The following SMYD3 variants were observed in gnomAD, a reference collection of about 807,000 sequenced individuals.
The protein encoded by SMYD3 is histone-lysine N-methyltransferase SMYD3.
A neutral mutation model predicts 57.7 loss-of-function variants in SMYD3; 36 were observed. The ratio of observed to expected loss-of-function variants is 0.62; its 90% CI spans 0.48 to 0.82. The LOEUF is 0.82. Ranked by LOEUF, SMYD3 falls within the 40% of genes least tolerant of loss-of-function variation. The probability of loss-of-function intolerance (pLI) is 0.00; values close to 1 mark genes in which losing one functional copy is unlikely to be tolerated. For missense variants in SMYD3, 515 were observed against 538.8 expected, an observed-to-expected ratio of 0.96 and a Z score of 0.44; for synonymous variants, 211 against 195.0, an observed-to-expected ratio of 1.08 and a Z score of -0.68.
intron 5 of SMYD3, among the ~76,000 whole-genome samples, chr1:246,231,680 T>C (rs1247948251): frequency 3.3e-5 from 5 of 152,168 alleles, no homozygotes; most frequent in African/African-American, 9.7e-5. Context: ...CTTTAACTCA[T>C]ATGGGGCTCC....
chr1:246,357,830 A>G (rs770950431), intron 1 of SMYD3, among the ~76,000 whole-genome samples: 4 of 152,240 alleles, frequency 2.6e-5, no homozygotes, highest in Non-Finnish European at 4.4e-5. Context: ...CTTGAAACAA[A>G]TCCTCGAAAT....
At chr1:246,071,650 C>T (rs909354929) in intron 5 of SMYD3, among the ~76,000 whole-genome samples, 5 of 152,136 alleles carry the variant, frequency 3.3e-5, no homozygotes, top group Non-Finnish European at 7.4e-5. Context: ...AGCCTGAAGT[C>T]GAAATCTCTG....
intron 1 of SMYD3, among the ~76,000 whole-genome samples, chr1:246,471,184 T>A (rs770183293): frequency 6.6e-6 from 1 of 152,158 alleles, no homozygotes; most frequent in Non-Finnish European, 1.5e-5. Context: ...TTTTAAAAGA[T>A]GTTTTAATTT....
intron 5 of SMYD3, among the ~76,000 whole-genome samples, chr1:246,243,628 G>T (rs1433967255): frequency 6.6e-6 from 1 of 151,666 alleles, no homozygotes; most frequent in Admixed American, 6.6e-5. Context: ...GAATATTCTG[G>T]GAGGTTTCCT....
At chr1:246,314,692 A>G (rs982294288) in intron 5 of SMYD3, among the ~76,000 whole-genome samples, 2 of 152,186 alleles carry the variant, frequency 1.3e-5, no homozygotes, top group Non-Finnish European at 2.9e-5. Context: ...TATGTAATAC[A>G]GCAGTTCTGT....
intron 1 of SMYD3, among the ~76,000 whole-genome samples, chr1:246,405,767 G>A (rs1052323417): frequency 9.9e-5 from 15 of 151,830 alleles, no homozygotes; most frequent in South Asian, 2.1e-4. Flanking sequence ...AAAATTAGCC[G>A]GGCGTGGTGG....
intron 5 of SMYD3, among the ~76,000 whole-genome samples, chr1:246,292,007 T>G (rs1242222019): frequency 6.6e-6 from 1 of 151,962 alleles, no homozygotes; most frequent in African/African-American, 2.4e-5. Flanking sequence ...TTAGACTTAC[T>G]ATCCAACACA....
At chr1:246,447,023 C>T (rs2067559667) in intron 1 of SMYD3, among the ~76,000 whole-genome samples, 1 of 132,026 alleles carries the variant, frequency 7.6e-6, no homozygotes, top group Non-Finnish European at 1.6e-5. Context: ...AGCCAGACTC[C>T]GTCTCCAAAA....
intron 5 of SMYD3, among the ~76,000 whole-genome samples, chr1:246,243,895 T>C (rs987145832): frequency 6.7e-6 from 1 of 149,036 alleles, no homozygotes; most frequent in Non-Finnish European, 1.5e-5. Flanking sequence ...TTTTTCCTTA[T>C]TTTTAAAAAA....
intron 5 of SMYD3, among the ~76,000 whole-genome samples, chr1:246,097,210 T>C (rs766221162): frequency 6.6e-6 from 1 of 152,180 alleles, no homozygotes; most frequent in Non-Finnish European, 1.5e-5. Context: ...ACATTTATTG[T>C]TTCCTTAACT....
At chr1:246,103,175 T>G (rs1345119951) in intron 5 of SMYD3, among the ~76,000 whole-genome samples, 1 of 152,146 alleles carries the variant, frequency 6.6e-6, no homozygotes, top group Non-Finnish European at 1.5e-5. Flanking sequence ...GAACTAAAGG[T>G]CTATATCAGA....
At chr1:246,112,530 A>C (rs2061262052) in intron 5 of SMYD3, among the ~76,000 whole-genome samples, 2 of 152,232 alleles carry the variant, frequency 1.3e-5, no homozygotes, top group Non-Finnish European at 2.9e-5. Flanking sequence ...TGTTGGTTAT[A>C]CACATAAATT....
chr1:246,026,539 GTAA>G (rs1553271808), intron 5 of SMYD3, among the ~76,000 whole-genome samples: 4 of 152,092 alleles, frequency 2.6e-5, no homozygotes, highest in Non-Finnish European at 5.9e-5. Flanking sequence ...TCACATTTTG[GTAA>G]TTCTCACAAT....
intron 5 of SMYD3, among the ~76,000 whole-genome samples, chr1:246,181,270 T>C (rs1281092753): frequency 1.3e-5 from 2 of 152,250 alleles, no homozygotes; most frequent in Non-Finnish European, 2.9e-5. Flanking sequence ...AAGGTTTTCC[T>C]GTACTCTTCC....
At chr1:245,823,870 T>C (rs1406926037) in intron 10 of SMYD3, among the ~76,000 whole-genome samples, 1 of 152,140 alleles carries the variant, frequency 6.6e-6, no homozygotes, top group Non-Finnish European at 1.5e-5. Context: ...TCAGGTACTA[T>C]GGGGTGGGCA....
intron 5 of SMYD3, among the ~76,000 whole-genome samples, chr1:246,075,995 T>C (rs2060540209): frequency 6.9e-6 from 1 of 144,510 alleles, no homozygotes; most frequent in African/African-American, 2.6e-5. Flanking sequence ...AACCGAAAGA[T>C]AATATACAAT....
At chr1:245,839,580 C>T (rs1216465641) in intron 10 of SMYD3, among the ~76,000 whole-genome samples, 3 of 151,990 alleles carry the variant, frequency 2.0e-5, no homozygotes, top group African/African-American at 7.3e-5. Context: ...GCATAGTTTT[C>T]TGGGGGAGGG....
intron 5 of SMYD3, among the ~76,000 whole-genome samples, chr1:246,067,671 A>C (rs1387528887): frequency 6.6e-6 from 1 of 151,574 alleles, no homozygotes; most frequent in Non-Finnish European, 1.5e-5. Context: ...AGTAAGGGCG[A>C]CTCGCTCCTG....
chr1:246,296,574 C>A (rs2148605105), intron 5 of SMYD3, among the ~76,000 whole-genome samples: 1 of 151,972 alleles, frequency 6.6e-6, no homozygotes. Context: ...TACAAAATAA[C>A]TAAATTATTT....
Sources: allele counts gnomAD v4.1 joint callset (sites outside exome capture counted in the v4.1 genomes callset), GRCh38; gene constraint gnomAD v4.1.1; transcripts MANE v1.5; gene names NCBI Gene and HGNC (gene_info 2026-07-23, HGNC 2026-07-21).